ACBD3: variants seen among roughly 807,000 people sequenced by gnomAD.
The protein encoded by ACBD3 is acyl-CoA binding domain containing 3, also known as Golgi resident protein GCP60.
In ACBD3, 30 loss-of-function variants were observed where a neutral mutation model predicts 66.9. The ratio of observed to expected loss-of-function variants is 0.45; its 90% CI spans 0.34 to 0.61. The LOEUF (loss-of-function observed/expected upper bound fraction) is 0.61, where lower values mean the gene tolerates loss of function less well. ACBD3 is among the 20% of genes least tolerant of loss of function. The probability of loss-of-function intolerance (pLI) is 0.02; values close to 1 mark genes in which losing one functional copy is unlikely to be tolerated. For synonymous variants in ACBD3, 278 were observed against 259.8 expected (o/e 1.07, Z -0.68); for missense variants, 544 against 664.5 (o/e 0.82, Z 1.99).
intron 5 of ACBD3, among the ~76,000 whole-genome samples, chr1:226,155,868 T>C (rs1213701947): frequency 6.6e-6 from 1 of 152,222 alleles, no homozygotes; most frequent in Non-Finnish European, 1.5e-5. Context: ...ATGATTGAAA[T>C]GTGTATTCAT....
chr1:226,152,747 G>A, intron 6 of ACBD3, 128 bp from the exon 7 acceptor site: 1 of 896,364 alleles, frequency 1.1e-6, no homozygotes, highest in Non-Finnish European at 1.7e-6. Context: ...CTTAGATCAA[G>A]GACTTGGAGG....
intron 1 of ACBD3, among the ~76,000 whole-genome samples, chr1:226,172,192 A>G (rs1393887437): frequency 1.9e-5 from 2 of 105,940 alleles, no homozygotes; most frequent in Non-Finnish European, 4.3e-5. Flanking sequence ...TTTCAGTGCT[A>G]GTCCTGGTCA....
At chr1:226,169,266 G>A (rs574230632) in intron 1 of ACBD3, among the ~76,000 whole-genome samples, 5 of 150,064 alleles carry the variant, frequency 3.3e-5, no homozygotes, top group Admixed American at 6.6e-5. Flanking sequence ...TTTTTTTCTC[G>A]AGACAGAGTC....
intron 1 of ACBD3, among the ~76,000 whole-genome samples, chr1:226,179,861 A>G (rs1656131693): frequency 6.6e-6 from 1 of 151,938 alleles, no homozygotes; most frequent in African/African-American, 2.4e-5. Context: ...TCCGTCTCCA[A>G]AAAAAACCAA....
Position 226,152,367 on chromosome 1 carries a change from C to T in ACBD3, c.1343G>A (p.Ser448Asn). The T allele has an allele frequency of 6.2e-7, 1 of 1,614,248 alleles. No homozygotes were observed. ...CTCCTCGTCGTCATCGCTGGACTCA[C>T]TGACATGCACGCTGACAGCAGTGTT... Reference protein sequence around the residue: ...SPNTAVSVHVSESSDDDEEEE... With the variant: ...SPNTAVSVHVNESSDDDEEEE... The change falls in exon 7 of 8, where the codon AGT becomes AAT. Residue 448 changes from serine (S) to asparagine (N), a missense_variant. Physicochemically the swap from Ser to Asn is conservative, Grantham distance 46. Coordinates refer to ENST00000366812, the MANE Select transcript of ACBD3 (RefSeq NM_022735.4).
intron 3 of ACBD3, among the ~76,000 whole-genome samples, chr1:226,163,840 G>T (rs1659816429): frequency 2.0e-5 from 3 of 152,098 alleles, no homozygotes; most frequent in African/African-American, 7.2e-5. Flanking sequence ...AATAACATCG[G>T]CTGGGCAAGG....
intron 5 of ACBD3, among the ~76,000 whole-genome samples, chr1:226,158,258 A>G (rs1659710720): frequency 6.6e-6 from 1 of 152,242 alleles, no homozygotes; most frequent in Non-Finnish European, 1.5e-5. Flanking sequence ...CTGAGCAACT[A>G]TAATGTAACA....
At chr1:226,168,890 GCT>G (rs760988675) in intron 1 of ACBD3, among the ~76,000 whole-genome samples, 1 of 152,150 alleles carries the variant, frequency 6.6e-6, no homozygotes, top group Non-Finnish European at 1.5e-5. Context: ...ACGGAGTCTC[GCT>G]CTGTTGCCCA....
In ACBD3 at chr1:226,161,244, T is replaced by C. The variant is rs530455209; in HGVS notation, c.728+287A>G. Among the ~76,000 whole-genome samples, 8 of 151,852 alleles carry C rather than the reference T, an allele frequency of 5.3e-5. No homozygotes were observed. The East Asian group carries it at 1.5e-3, about 29-fold the overall frequency. ...ACCTCCACCTCCTGGGTTCAAGAGA[T>C]TCTCCTGCCTCAGCCTCCTGAGTAG... On this transcript the variant is annotated intron_variant, in intron 4 of 7. Coordinates refer to ENST00000366812, the MANE Select transcript of ACBD3 (RefSeq NM_022735.4).
chr1:226,161,410 C>G (rs61835253), intron 4 of ACBD3, 121 bp downstream of exon 4: 1 of 1,397,390 alleles, frequency 7.2e-7, no homozygotes. Flanking sequence ...TGCCCGCCTC[C>G]GCCTCCCAAA....
chr1:226,158,947 T>C (rs1162804764), intron 5 of ACBD3, among the ~76,000 whole-genome samples: 1 of 152,214 alleles, frequency 6.6e-6, no homozygotes, highest in East Asian at 1.9e-4. Flanking sequence ...ACTCAACCCA[T>C]ACAACTCCCA....
intron 1 of ACBD3, among the ~76,000 whole-genome samples, chr1:226,186,167 T>C (rs755342669): frequency 6.6e-6 from 1 of 152,226 alleles, no homozygotes; most frequent in East Asian, 1.9e-4. Flanking sequence ...AGGCGGGACA[T>C]GACTGCTAAA....
intron 1 of ACBD3, among the ~76,000 whole-genome samples, chr1:226,171,372 C>T (rs1394090245): frequency 1.3e-5 from 2 of 152,054 alleles, no homozygotes; most frequent in African/African-American, 4.8e-5. Flanking sequence ...TGGTCTCGAA[C>T]TCCTGATCTC....
At chr1:226,177,845 T>G (rs1302966435) in intron 1 of ACBD3, among the ~76,000 whole-genome samples, 1 of 151,760 alleles carries the variant, frequency 6.6e-6, no homozygotes, top group Admixed American at 6.6e-5. Context: ...CAGGTTCATG[T>G]GATTCTCCCA....
At chr1:226,170,333 A>AT (rs71574563) in intron 1 of ACBD3, among the ~76,000 whole-genome samples, 30,592 of 109,512 alleles carry the variant, frequency 0.28, 4,486 homozygotes, top group Middle Eastern at 0.4. Context: ...AATTTTTTGA[A>AT]TTTTTTTTTT....
At chr1:226,162,258 C>T (rs1659786894) in intron 3 of ACBD3, among the ~76,000 whole-genome samples, 1 of 148,648 alleles carries the variant, frequency 6.7e-6, no homozygotes, top group Admixed American at 6.7e-5. Context: ...ATGTAATACA[C>T]TTGCTTAATG....
intron 1 of ACBD3, among the ~76,000 whole-genome samples, chr1:226,179,458 C>T (rs1241501510): frequency 2.0e-5 from 3 of 152,184 alleles, no homozygotes; most frequent in Non-Finnish European, 1.5e-5. Flanking sequence ...TCCTAGTTAC[C>T]ATATTTCCAC....
intron 3 of ACBD3, 133 bp downstream of exon 3, chr1:226,164,656 A>T: frequency 1.8e-6 from 2 of 1,086,730 alleles, no homozygotes; most frequent in Non-Finnish European, 2.5e-6. Flanking sequence ...AAGTTTGAAC[A>T]ATTGCCACAA....
intron 6 of ACBD3, among the ~76,000 whole-genome samples, chr1:226,152,868 A>T (rs1198048180): frequency 6.6e-6 from 1 of 152,246 alleles, no homozygotes; most frequent in African/African-American, 2.4e-5. Flanking sequence ...CCACAATTTT[A>T]GAAACGAATT....
Sources: allele counts gnomAD v4.1 joint callset (sites outside exome capture counted in the v4.1 genomes callset), GRCh38; gene constraint gnomAD v4.1.1; transcripts MANE v1.5; gene names NCBI Gene and HGNC (gene_info 2026-07-23, HGNC 2026-07-21).